KAZN: variants seen among roughly 807,000 people sequenced by gnomAD.
The protein encoded by KAZN is kazrin, periplakin interacting protein, also known as kazrin.
Under a neutral mutation model 87.4 loss-of-function variants are expected in KAZN, and 40 were observed. The observed-to-expected ratio is 0.46, with a 90% CI of 0.36 to 0.60. KAZN has a LOEUF of 0.60. Among genes scored for constraint, KAZN ranks in the 20% least tolerant of loss-of-function variants. The probability of loss-of-function intolerance (pLI) is 0.00; values close to 1 mark genes in which losing one functional copy is unlikely to be tolerated. For missense variants in KAZN, 898 were observed against 1,073.9 expected (o/e 0.84, Z 2.29); for synonymous variants, 466 against 458.3 (o/e 1.02, Z -0.22).
rs900726136 is a variant in KAZN, at chr1:14,950,855, C to T, written c.227-9829C>T. Among the ~76,000 whole-genome samples, 6 of 152,140 alleles carry T rather than the reference C, an allele frequency of 3.9e-5. No individual in the cohort carries two copies. The East Asian group carries it at 1.2e-3, about 29-fold the overall frequency. On this transcript the variant is annotated intron_variant, in intron 1 of 14. Transcript: ENST00000376030. ...GGTTTCAGGGTTGTCTGCCCAGCTG[C>T]AGGCCCAGAAAGGAAGAGTGCACAG...
At chr1:14,466,178 A>G (rs886692010) in intron 2 of KAZN, among the ~76,000 whole-genome samples, 3 of 152,178 alleles carry the variant, frequency 2.0e-5, no homozygotes, top group Non-Finnish European at 4.4e-5. Flanking sequence ...CACAAGAATT[A>G]TGTCCCTGCC....
chr1:13,926,230 C>G (rs570693808), intron 1 of KAZN, among the ~76,000 whole-genome samples: 1 of 152,258 alleles, frequency 6.6e-6, no homozygotes, highest in East Asian at 1.9e-4. Context: ...CGTGCTGTTA[C>G]TACCCAGAGT....
At chr1:14,514,493 A>ATAAAAATT (rs1243410861) in intron 2 of KAZN, among the ~76,000 whole-genome samples, 2 of 69,426 alleles carry the variant, frequency 2.9e-5, no homozygotes, top group African/African-American at 1.4e-4. Context: ...AAATATTTAT[A>ATAAAAATT]TATGTAAAAT....
At chr1:14,674,278 CAAG>C (rs1391935510) in intron 1 of KAZN, among the ~76,000 whole-genome samples, 2 of 152,166 alleles carry the variant, frequency 1.3e-5, no homozygotes, top group African/African-American at 2.4e-5. Flanking sequence ...TGTTTTATGC[CAAG>C]AAGATCTTTC....
intron 2 of KAZN, among the ~76,000 whole-genome samples, chr1:14,367,860 G>A (rs917767073): frequency 6.6e-6 from 1 of 152,146 alleles, no homozygotes; most frequent in Non-Finnish European, 1.5e-5. Context: ...CCTAAGTGCT[G>A]CCTTCTCTCA....
At chr1:14,541,275 G>A (rs1208905532) in intron 2 of KAZN, among the ~76,000 whole-genome samples, 1 of 152,158 alleles carries the variant, frequency 6.6e-6, no homozygotes, top group Non-Finnish European at 1.5e-5. Context: ...AATGGCAAAG[G>A]CAAAATAGAT....
intron 1 of KAZN, among the ~76,000 whole-genome samples, chr1:13,952,004 G>A (rs1308995072): frequency 6.6e-6 from 1 of 152,186 alleles, no homozygotes; most frequent in African/African-American, 2.4e-5. Flanking sequence ...CCTGTTTGCA[G>A]TAAAGAAAGG....
In KAZN at chr1:14,610,817, C is replaced by T. The variant is rs566577049; in HGVS notation, c.226+11594C>T. ...GATGTAGCAATCACAATAAATCTGC[C>T]TGATTTCTCTCTCTTTTTCACTATC... On this transcript the variant is annotated intron_variant, in intron 1 of 14. Coordinates refer to ENST00000376030, the MANE Select transcript of KAZN (RefSeq NM_201628.3). Among the ~76,000 whole-genome samples, 15 of 152,274 alleles carry T rather than the reference C, an allele frequency of 9.9e-5. No individual in the cohort carries two copies. In the South Asian group the frequency reaches 3.1e-3, roughly 32 times the overall value.
chr1:15,076,209 G>T (rs538670075), intron 8 of KAZN, among the ~76,000 whole-genome samples: 3 of 152,206 alleles, frequency 2.0e-5, no homozygotes, highest in Non-Finnish European at 4.4e-5. Context: ...CCAAATGGAG[G>T]GTTAGAGGTA....
chr1:14,751,932 A>G (rs1053645854), intron 1 of KAZN, among the ~76,000 whole-genome samples: 2 of 151,786 alleles, frequency 1.3e-5, no homozygotes, highest in Non-Finnish European at 2.9e-5. Context: ...TAGGTAATTT[A>G]AGAAGAAAAA....
intron 1 of KAZN, among the ~76,000 whole-genome samples, chr1:13,969,517 A>G (rs1642065010): frequency 6.6e-6 from 1 of 152,174 alleles, no homozygotes. Flanking sequence ...ATTCTCTATC[A>G]CAGTCCTCAG....
chr1:15,023,598 T>C (rs547457170), intron 2 of KAZN, among the ~76,000 whole-genome samples: 84 of 152,100 alleles, frequency 5.5e-4, no homozygotes, highest in Middle Eastern at 3.4e-3. Context: ...TTGTAGACCA[T>C]TGGAAGGACT....
chr1:13,961,542 C>G (rs1312909426), intron 1 of KAZN, among the ~76,000 whole-genome samples: 1 of 152,130 alleles, frequency 6.6e-6, no homozygotes, highest in African/African-American at 2.4e-5. Context: ...TGGTTTGTTC[C>G]CTTTCTCTCT....
At chr1:14,680,077 A>G (rs1244691562) in intron 1 of KAZN, among the ~76,000 whole-genome samples, 1 of 152,182 alleles carries the variant, frequency 6.6e-6, no homozygotes, top group African/African-American at 2.4e-5. Flanking sequence ...CTACTAAACC[A>G]GAATCTCTCT....
chr1:14,543,418 T>C (rs1027874668), intron 2 of KAZN, among the ~76,000 whole-genome samples: 1 of 152,120 alleles, frequency 6.6e-6, no homozygotes, highest in Non-Finnish European at 1.5e-5. Context: ...AACTGTGAAG[T>C]TGGCTGGTCC....
chr1:14,817,420 G>A (rs1646600897), intron 1 of KAZN, among the ~76,000 whole-genome samples: 1 of 152,156 alleles, frequency 6.6e-6, no homozygotes, highest in Non-Finnish European at 1.5e-5. Context: ...ACATAGCTCT[G>A]TCTTCCCGCT....
chr1:14,055,823 A>T (rs765226753), intron 1 of KAZN, among the ~76,000 whole-genome samples: 7 of 152,216 alleles, frequency 4.6e-5, no homozygotes, highest in Non-Finnish European at 1.0e-4. Context: ...CAGAAAAATC[A>T]GCCTCCCGGA....
At chr1:15,045,587 G>A (rs1016907325) in intron 4 of KAZN, among the ~76,000 whole-genome samples, 2 of 152,174 alleles carry the variant, frequency 1.3e-5, no homozygotes, top group African/African-American at 2.4e-5. Flanking sequence ...ACTGTGTCGT[G>A]TACTGTCTTT....
At chr1:14,654,976 G>T (rs1341484077) in intron 1 of KAZN, among the ~76,000 whole-genome samples, 2 of 152,222 alleles carry the variant, frequency 1.3e-5, no homozygotes. Context: ...GGGGCCCACT[G>T]ACCCAGGCAA....
Sources: gnomAD v4.1 joint callset for allele counts (sites outside exome capture counted in the v4.1 genomes callset) on GRCh38, gnomAD v4.1.1 for gene constraint, MANE v1.5 for transcripts, NCBI Gene and HGNC (gene_info 2026-07-23, HGNC 2026-07-21) for gene names.